Variants in UHRF2 observed in about 807,000 individuals in gnomAD.
UHRF2 encodes ubiquitin like with PHD and ring finger domains 2.
UHRF2 carries 23 observed loss-of-function variants against 96.8 expected under a neutral mutation model. That is an observed-to-expected ratio of 0.24 (90% CI 0.17 to 0.34). UHRF2 has a LOEUF of 0.34. Ranked by LOEUF, UHRF2 falls within the 10% of genes least tolerant of loss-of-function variation. UHRF2 has a pLI of 1.00. For missense variants in UHRF2, 685 were observed against 981.5 expected, an observed-to-expected ratio of 0.70 and a Z score of 4.04; for synonymous variants, 385 against 332.6, an observed-to-expected ratio of 1.16 and a Z score of -1.72.
Position 6,498,044 on chromosome 9 carries a change from A to T in UHRF2, c.1794A>T (p.Ser598=), listed in dbSNP as rs780825490. The T allele has an allele frequency of 6.2e-6, 10 of 1,613,204 alleles. No homozygotes were observed. The highest frequency in any genetic ancestry group is 8.5e-6 in the Non-Finnish European group (10 of 1,179,932). The part of the protein sequence containing the change: ...YKVVKYWPEI[S]SSHGFLVWRY... ...TGGTGAAATACTGGCCAGAGATTTCATCAAGCCATGGATTCTTGGTTTGGC... is the reference window on the plus strand; with the variant it reads ...TGGTGAAATACTGGCCAGAGATTTCTTCAAGCCATGGATTCTTGGTTTGGC... The change falls in exon 12 of 16, where the codon TCA becomes TCT. Residue 598 remains serine, a synonymous_variant. Coordinates refer to ENST00000276893, the MANE Select transcript of UHRF2 (RefSeq NM_152896.3).
At chr9:6,464,259 A>G (rs907406265) in intron 4 of UHRF2, among the ~76,000 whole-genome samples, 7 of 152,146 alleles carry the variant, frequency 4.6e-5, no homozygotes, top group East Asian at 1.9e-4. Flanking sequence ...CCTGGTTCCA[A>G]TTTGGTGACT....
intron 4 of UHRF2, among the ~76,000 whole-genome samples, chr9:6,461,456 T>C (rs1822537319): frequency 6.9e-6 from 1 of 144,474 alleles, no homozygotes; most frequent in African/African-American, 2.5e-5. Flanking sequence ...CACTGTAACC[T>C]CTGCCTCTTG....
chr9:6,466,472 T>C (rs1241604785), intron 4 of UHRF2, among the ~76,000 whole-genome samples: 1 of 143,538 alleles, frequency 7.0e-6, no homozygotes, highest in Non-Finnish European at 1.5e-5. Context: ...CTCAGGAGGC[T>C]GAGGTTGTAG....
chr9:6,500,834 T>C (rs1816253428), intron 14 of UHRF2, 125 bp downstream of exon 14: 5 of 835,068 alleles, frequency 6.0e-6, no homozygotes, highest in Non-Finnish European at 9.0e-6. Flanking sequence ...TCTAATCCAG[T>C]GCCACTACCT....
chr9:6,487,006 A>G, intron 9 of UHRF2, 81 bp downstream of exon 9: 1 of 1,285,778 alleles, frequency 7.8e-7, no homozygotes, highest in South Asian at 1.3e-5. Context: ...GGATACATCA[A>G]ATACTGTTGT....
chr9:6,419,983 A>G (rs1167085306), intron 1 of UHRF2, among the ~76,000 whole-genome samples: 1 of 151,964 alleles, frequency 6.6e-6, no homozygotes, highest in Admixed American at 6.6e-5. Context: ...TCCTGGGCTC[A>G]AGTGATCCTC....
In UHRF2 at chr9:6,418,080, T is replaced by C. The variant is rs117420068; in HGVS notation, c.154-2832T>C. Among the ~76,000 whole-genome samples the C allele has an allele frequency of 1.8e-4, 28 of 152,298 alleles. No homozygotes were observed. The East Asian group carries it at 4.8e-3, about 26-fold the overall frequency. On this transcript the variant is annotated intron_variant, in intron 1 of 15. Coordinates refer to ENST00000276893, the MANE Select transcript of UHRF2 (RefSeq NM_152896.3). ...CACTTTCATTTAAAAATAGTCATAA[T>C]GTTTGTCAGTTGTATGTTACGCTTT... is the stretch of plus-strand genomic sequence containing the variant.
At chr9:6,459,844 G>C (rs894689270) in intron 3 of UHRF2, among the ~76,000 whole-genome samples, 1 of 152,186 alleles carries the variant, frequency 6.6e-6, no homozygotes, top group Non-Finnish European at 1.5e-5. Context: ...GTGGTGGCAC[G>C]TGTCTGTAGT....
At chr9:6,495,189 A>G (rs1824891620) in intron 10 of UHRF2, 1 of 152,212 alleles carries the variant, frequency 6.6e-6, no homozygotes, top group African/African-American at 2.4e-5. Flanking sequence ...ATTGTAATGT[A>G]CATGTTAAGA....
intron 4 of UHRF2, among the ~76,000 whole-genome samples, chr9:6,462,432 A>G (rs997147794): frequency 2.0e-5 from 3 of 152,214 alleles, no homozygotes; most frequent in Non-Finnish European, 4.4e-5. Context: ...GACTAAGGGT[A>G]TAGCTCAGTC....
Position 6,419,297 on chromosome 9 carries a change from T to C in UHRF2, c.154-1615T>C, listed in dbSNP as rs145765420. On this transcript the variant is annotated intron_variant, in intron 1 of 15. Transcript: ENST00000276893. ...CATTCTCAAGTACCATGGATTAGGA[T>C]TTCAACCCATAACCCTTACCAAAAT... 5.3e-5 allele frequency among the ~76,000 whole-genome samples: 8 copies of C among 152,338 alleles called. No homozygotes were observed. In the East Asian group the frequency reaches 1.5e-3, roughly 29 times the overall value.
intron 2 of UHRF2, among the ~76,000 whole-genome samples, chr9:6,429,956 C>A (rs1820477320): frequency 6.6e-6 from 1 of 152,062 alleles, no homozygotes; most frequent in South Asian, 2.1e-4. Context: ...CCCTTGCCTC[C>A]CATACTTCAG....
intron 2 of UHRF2, among the ~76,000 whole-genome samples, chr9:6,425,899 A>T (rs1303000837): frequency 6.6e-6 from 1 of 152,234 alleles, no homozygotes; most frequent in Non-Finnish European, 1.5e-5. Context: ...GTATATATAC[A>T]TCTATGAATA....
intron 1 of UHRF2, among the ~76,000 whole-genome samples, chr9:6,418,295 A>T: frequency 7.0e-6 from 1 of 143,132 alleles, no homozygotes. Flanking sequence ...AGGAAGCAAT[A>T]TTCCCATCCC....
chr9:6,483,711 C>CA (rs1294288999), intron 8 of UHRF2, among the ~76,000 whole-genome samples: 2 of 152,168 alleles, frequency 1.3e-5, no homozygotes, highest in African/African-American at 4.8e-5. Context: ...TGTTTGGAGA[C>CA]AGAGTTTCAC....
chr9:6,445,998 T>TTTTTTTTTTTTTCTTTTTTTTC (rs772184475), intron 3 of UHRF2, among the ~76,000 whole-genome samples: 1 of 129,870 alleles, frequency 7.7e-6, no homozygotes, highest in Admixed American at 8.4e-5. Context: ...TTTTTTTTTT[T>TTTTTTTTTTTTTCTTTTTTTTC]TTCCTGTTTT....
intron 12 of UHRF2, 37 bp downstream of exon 12, chr9:6,498,195 TA>T: frequency 6.2e-7 from 1 of 1,600,210 alleles, no homozygotes. Flanking sequence ...TGTGTGTTCA[TA>T]AAAATATACA....
At chr9:6,428,490 T>C (rs149814824) in intron 2 of UHRF2, among the ~76,000 whole-genome samples, 22 of 150,536 alleles carry the variant, frequency 1.5e-4, no homozygotes, top group African/African-American at 5.1e-4. Flanking sequence ...TCCCTAATTT[T>C]CTGGTTTCTG....
At chr9:6,433,844 G>C (rs1034325474) in intron 2 of UHRF2, 70 bp from the exon 3 acceptor site, 13 of 1,501,002 alleles carry the variant, frequency 8.7e-6, no homozygotes, top group Middle Eastern at 3.8e-4. Flanking sequence ...CAAATAACTT[G>C]AGTTACATTA....
Sources: gnomAD v4.1 joint callset for allele counts (sites outside exome capture counted in the v4.1 genomes callset) on GRCh38, gnomAD v4.1.1 for gene constraint, MANE v1.5 for transcripts, NCBI Gene and HGNC (gene_info 2026-07-23, HGNC 2026-07-21) for gene names.